MAST4: variants seen among roughly 807,000 people sequenced by gnomAD.
The protein encoded by MAST4 is microtubule associated serine/threonine kinase family member 4, also known as microtubule-associated serine/threonine-protein kinase 4.
In MAST4, 89 loss-of-function variants were observed where a neutral mutation model predicts 162.7. That is an observed-to-expected ratio of 0.55 (90% CI 0.46 to 0.65). MAST4 has a LOEUF of 0.65. MAST4 is among the 30% of genes least tolerant of loss of function. The pLI is 0.00. For missense variants in MAST4, 3,153 were observed against 3,374.0 expected (o/e 0.93, Z 1.62); for synonymous variants, 1,479 against 1,361.1 (o/e 1.09, Z -1.91).
intron 2 of MAST4, among the ~76,000 whole-genome samples, chr5:66,764,490 GAT>G (rs1561315325): frequency 6.6e-6 from 1 of 152,122 alleles, no homozygotes; most frequent in Admixed American, 6.6e-5. Context: ...TTTGGTCAGT[GAT>G]GGGCCATATA....
At chr5:66,669,561 G>A (rs1414040149) in intron 1 of MAST4, among the ~76,000 whole-genome samples, 3 of 152,182 alleles carry the variant, frequency 2.0e-5, no homozygotes, top group African/African-American at 7.2e-5. Flanking sequence ...GAGGTAGGGA[G>A]CAAATACCAG....
At chr5:66,632,960 A>AT (rs1275164249) in intron 1 of MAST4, among the ~76,000 whole-genome samples, 1 of 152,070 alleles carries the variant, frequency 6.6e-6, no homozygotes, top group Admixed American at 6.6e-5. Flanking sequence ...ATGAGTTTGA[A>AT]TTTTTTTTCA....
At chr5:66,685,119 A>T (rs59953820) in intron 1 of MAST4, among the ~76,000 whole-genome samples, 19,168 of 151,928 alleles carry the variant, frequency 0.13, 1,365 homozygotes, top group East Asian at 0.26. Flanking sequence ...AAAATTAGCT[A>T]GGCGCGGTGG....
intron 4 of MAST4, among the ~76,000 whole-genome samples, chr5:67,012,796 C>T (rs2150357928): frequency 6.6e-6 from 1 of 152,266 alleles, no homozygotes; most frequent in South Asian, 2.1e-4. Context: ...AAATGTTGAT[C>T]TTAAACCTTA....
At chr5:66,665,589 C>T (rs866157540) in intron 1 of MAST4, among the ~76,000 whole-genome samples, 14 of 152,162 alleles carry the variant, frequency 9.2e-5, no homozygotes, top group African/African-American at 1.9e-4. Context: ...CCCCCAACCC[C>T]GACAGACTTC....
At chr5:66,678,786 C>G (rs1748127768) in intron 1 of MAST4, among the ~76,000 whole-genome samples, 1 of 110,266 alleles carries the variant, frequency 9.1e-6, no homozygotes. Context: ...ACCACCATGC[C>G]CGGCCCCCAA....
At chr5:67,026,447 A>C (rs1342908049) in intron 4 of MAST4, among the ~76,000 whole-genome samples, 1 of 152,192 alleles carries the variant, frequency 6.6e-6, no homozygotes, top group African/African-American at 2.4e-5. Context: ...TAGACTGGGG[A>C]GTAGAGCAAA....
intron 4 of MAST4, among the ~76,000 whole-genome samples, chr5:67,041,583 A>G (rs77249584): frequency 0.011 from 1,735 of 152,358 alleles, 28 homozygotes; most frequent in African/African-American, 0.039. Context: ...TAATTTCTTT[A>G]CATAAATTAT....
chr5:67,095,703 T>C (rs999950609), intron 7 of MAST4, 28 bp downstream of exon 7: 22 of 1,449,888 alleles, frequency 1.5e-5, no homozygotes, highest in African/African-American at 9.9e-5. Flanking sequence ...TTTTTTTTTT[T>C]CTCTTCCTCA....
At chr5:66,767,146 G>C (rs1056382203) in intron 2 of MAST4, among the ~76,000 whole-genome samples, 3 of 148,856 alleles carry the variant, frequency 2.0e-5, no homozygotes, top group Admixed American at 1.3e-4. Context: ...CTAATCACAT[G>C]GTCACAGATG....
Position 67,169,122 on chromosome 5 carries a change from A to T in MAST4, c.*2071A>T, listed in dbSNP as rs1266958098. 1 of 152,212 alleles carries T rather than the reference A, an allele frequency of 6.6e-6. No homozygotes were observed. Among genetic ancestry groups the T allele is most frequent in the Non-Finnish European group, 1.5e-5 (1 of 68,034 alleles). 9.4% of individuals were successfully genotyped at this position (152,212 alleles called of 1,614,324 possible). A position where few individuals can be genotyped will look rare whatever the true frequency, so the allele number is the denominator to read the frequency against. ...CAATCCTACATTCAGCCATCGGGAC[A>T]AGTCTGTCGGGGAGGTAGTTCATGG... On this transcript the variant is annotated 3_prime_UTR_variant, in exon 29 of 29. Transcript: ENST00000403625.
At chr5:66,607,584 T>C (rs1742974454) in intron 1 of MAST4, among the ~76,000 whole-genome samples, 1 of 152,230 alleles carries the variant, frequency 6.6e-6, no homozygotes, top group Non-Finnish European at 1.5e-5. Flanking sequence ...AATATTGGGC[T>C]GTACTCAGTT....
chr5:67,166,931 GC>G lies in MAST4; in HGVS notation c.7754del (p.Pro2585HisfsTer100). On this transcript the variant is annotated frameshift_variant, in exon 29 of 29. Transcript: ENST00000403625. LOFTEE classifies it high-confidence loss of function. ...KQNVGRDVTK[P>X]SPAPNTDRPI... ...AGAACGTGGGCAGAGACGTGACCAA[GC>G]CATCCCCAGCCCCAAACACTGACCG... The G allele has an allele frequency of 6.2e-7, 1 of 1,611,862 alleles. No individual in the cohort carries two copies. The highest frequency in any genetic ancestry group is 8.5e-7 in the Non-Finnish European group (1 of 1,179,412).
intron 1 of MAST4, among the ~76,000 whole-genome samples, chr5:66,676,334 A>C (rs550655907): frequency 6.6e-6 from 1 of 152,332 alleles, no homozygotes; most frequent in South Asian, 2.1e-4. Context: ...AGTAACTTGC[A>C]CATCACTTGT....
Position 66,888,036 on chromosome 5 carries a change from G to A in MAST4, c.643-11915G>A, listed in dbSNP as rs560896229. ...ATCCTGGCTAACATGGTGAAACCCC[G>A]TCTCTACTAAAAAAAAAAATAAAAA... On this transcript the variant is annotated intron_variant, in intron 3 of 28. Transcript: ENST00000403625. Among the ~76,000 whole-genome samples, 98 of 151,238 alleles carry A rather than the reference G, an allele frequency of 6.5e-4. No individual in the cohort carries two copies. In the Middle Eastern group the frequency reaches 0.014, roughly 21 times the overall value.
At chr5:67,130,887 A>G (rs758055071) in intron 15 of MAST4, among the ~76,000 whole-genome samples, 1 of 152,114 alleles carries the variant, frequency 6.6e-6, no homozygotes, top group African/African-American at 2.4e-5. Flanking sequence ...TTCTTTCTTT[A>G]AGAGGTTTAT....
chr5:66,847,820 CAAAAAAAAAAAA>C (rs777825639), intron 3 of MAST4, among the ~76,000 whole-genome samples: 3 of 54,146 alleles, frequency 5.5e-5, no homozygotes, highest in African/African-American at 2.6e-4. Context: ...GACTCCTTCT[CAAAAAAAAAAAA>C]AAAAAAAAAA....
intron 26 of MAST4, among the ~76,000 whole-genome samples, chr5:67,156,156 A>T (rs1035542876): frequency 2.6e-5 from 4 of 152,198 alleles, no homozygotes; most frequent in African/African-American, 9.7e-5. Flanking sequence ...TACGGGAATA[A>T]ACGCATGTAA....
At chr5:66,879,136 G>T (rs1286434306) in intron 3 of MAST4, among the ~76,000 whole-genome samples, 2 of 152,040 alleles carry the variant, frequency 1.3e-5, no homozygotes, top group Non-Finnish European at 2.9e-5. Flanking sequence ...AAAATTAGCT[G>T]GGCGTGGTGG....
Sources: gnomAD v4.1 joint callset for allele counts (sites outside exome capture counted in the v4.1 genomes callset) on GRCh38, gnomAD v4.1.1 for gene constraint, MANE v1.5 for transcripts, NCBI Gene and HGNC (gene_info 2026-07-23, HGNC 2026-07-21) for gene names.